ZNF521: variants seen among roughly 807,000 people sequenced by gnomAD.
ZNF521 encodes the protein LYST-interacting protein 3.
Under a neutral mutation model 105.5 loss-of-function variants are expected in ZNF521, and 14 were observed. The ratio of observed to expected loss-of-function variants is 0.13; its 90% CI spans 0.09 to 0.21. The LOEUF is 0.21. Among genes scored for constraint, ZNF521 ranks in the 10% least tolerant of loss-of-function variants. The pLI is 1.00. For missense variants in ZNF521, 1,233 were observed against 1,629.7 expected, an observed-to-expected ratio of 0.76 and a Z score of 4.19; for synonymous variants, 635 against 606.0, an observed-to-expected ratio of 1.05 and a Z score of -0.70.
intron 5 of ZNF521, among the ~76,000 whole-genome samples, chr18:25,148,928 T>C (rs1267125197): frequency 6.6e-6 from 1 of 152,212 alleles, no homozygotes; most frequent in Non-Finnish European, 1.5e-5. Context: ...AAGTACCAGC[T>C]TCTGTTATGT....
intron 5 of ZNF521, among the ~76,000 whole-genome samples, chr18:25,145,408 T>C (rs904951801): frequency 1.7e-4 from 26 of 152,106 alleles, no homozygotes; most frequent in East Asian, 7.7e-4. Flanking sequence ...GTTATCGATC[T>C]ATAGTTTTTG....
intron 2 of ZNF521, among the ~76,000 whole-genome samples, chr18:25,337,259 T>C (rs917939100): frequency 7.2e-5 from 11 of 152,124 alleles, no homozygotes; most frequent in Non-Finnish European, 1.6e-4. Flanking sequence ...CTATAATATG[T>C]CAGACACAAG....
chr18:25,194,955 C>T (rs935129372), intron 5 of ZNF521, among the ~76,000 whole-genome samples: 15 of 151,612 alleles, frequency 9.9e-5, no homozygotes, highest in Non-Finnish European at 2.1e-4. Flanking sequence ...ATATAATCCT[C>T]TGCAGAAGTC....
chr18:25,116,967 A>G (rs2034329802), intron 5 of ZNF521, among the ~76,000 whole-genome samples: 1 of 102,320 alleles, frequency 9.8e-6, no homozygotes, highest in South Asian at 4.1e-4. Flanking sequence ...ATATATGTAT[A>G]TATATGTATA....
At chr18:25,127,167 AAGG>A (rs748712428) in intron 5 of ZNF521, among the ~76,000 whole-genome samples, 11 of 152,010 alleles carry the variant, frequency 7.2e-5, no homozygotes, top group Non-Finnish European at 1.6e-4. Flanking sequence ...TCAGTTTGAA[AAGG>A]AGATTTTTGT....
chr18:25,202,094 C>T (rs1371501818), intron 4 of ZNF521: 2 of 152,114 alleles, frequency 1.3e-5, no homozygotes, highest in Non-Finnish European at 2.9e-5. Flanking sequence ...GTAGTTTTCA[C>T]CCTTTTAAGT....
At chr18:25,339,306 TC>T (rs1193183464) in intron 2 of ZNF521, among the ~76,000 whole-genome samples, 1 of 152,214 alleles carries the variant, frequency 6.6e-6, no homozygotes, top group East Asian at 1.9e-4. Flanking sequence ...TACTTGGTGC[TC>T]AATAAAAAAT....
At chr18:25,276,529 A>G (rs1375347127) in intron 3 of ZNF521, among the ~76,000 whole-genome samples, 1 of 152,200 alleles carries the variant, frequency 6.6e-6, no homozygotes, top group Non-Finnish European at 1.5e-5. Flanking sequence ...GGAGACAGAG[A>G]AAGAGCTCAC....
intron 5 of ZNF521, among the ~76,000 whole-genome samples, chr18:25,176,238 G>A (rs1228341024): frequency 6.6e-6 from 1 of 152,146 alleles, no homozygotes; most frequent in African/African-American, 2.4e-5. Context: ...ACAAACAACA[G>A]GAAGTCTCCC....
At chr18:25,109,100 C>T (rs2034132841) in intron 5 of ZNF521, among the ~76,000 whole-genome samples, 1 of 151,964 alleles carries the variant, frequency 6.6e-6, no homozygotes, top group South Asian at 2.1e-4. Context: ...TTTTTTAACC[C>T]TCACGCCCCC....
At chr18:25,215,495 T>C (rs905155223) in intron 4 of ZNF521, among the ~76,000 whole-genome samples, 6 of 152,168 alleles carry the variant, frequency 3.9e-5, no homozygotes, top group Admixed American at 2.0e-4. Flanking sequence ...CTTGACAAAA[T>C]CTCAGTCAAA....
intron 3 of ZNF521, among the ~76,000 whole-genome samples, chr18:25,234,893 T>C (rs1450415581): frequency 6.6e-6 from 1 of 152,090 alleles, no homozygotes; most frequent in Non-Finnish European, 1.5e-5. Flanking sequence ...TAAATAACAA[T>C]TTGATAGACA....
At chr18:25,258,517 T>C (rs1482781102) in intron 3 of ZNF521, among the ~76,000 whole-genome samples, 2 of 152,318 alleles carry the variant, frequency 1.3e-5, no homozygotes, top group South Asian at 2.1e-4. Context: ...AAAAAATTCC[T>C]AATGGCAATA....
chr18:25,352,078 G>A lies in ZNF521; in HGVS notation c.-75C>T. On this transcript the variant is annotated 5_prime_UTR_variant, in exon 1 of 8. Coordinates refer to ENST00000361524, the MANE Select transcript of ZNF521 (RefSeq NM_015461.3). ...GGAAAATGGAAGCAAGGCCCCCAAA[G>A]CCATCAGGATGGCTCCAGAGGGGGC... The A allele has an allele frequency of 4.0e-6, 2 of 496,672 alleles. No individual in the cohort carries two copies. Among genetic ancestry groups the A allele is most frequent in the Non-Finnish European group, 8.1e-6 (2 of 247,408 alleles). The allele number at this position is 496,672 out of a possible 1,614,324, so 30.8% of individuals were successfully genotyped here. A position where few individuals can be genotyped will look rare whatever the true frequency, so the allele number is the denominator to read the frequency against.
chr18:25,283,863 AT>A (rs1317261432), intron 3 of ZNF521, among the ~76,000 whole-genome samples: 1 of 152,120 alleles, frequency 6.6e-6, no homozygotes, highest in African/African-American at 2.4e-5. Flanking sequence ...AAGAAAAAAA[AT>A]CAATGTCTGG....
intron 7 of ZNF521, among the ~76,000 whole-genome samples, chr18:25,072,970 A>G (rs2033263096): frequency 6.6e-6 from 1 of 152,208 alleles, no homozygotes; most frequent in Non-Finnish European, 1.5e-5. Flanking sequence ...TTTTACATCC[A>G]TGAACAGTGC....
rs199728751 is a variant in ZNF521 at position 25,348,295 on chromosome 18, GA to G, written c.40+2611del. Among the ~76,000 whole-genome samples the G allele has an allele frequency of 9.9e-3, 1,506 of 152,174 alleles. 28 individuals are homozygous for G. Among genetic ancestry groups the G allele is most frequent in the African/African-American group, 0.031 (1,301 of 41,514 alleles). The stretch of plus-strand genomic sequence containing the variant: ...TCAGAACACTCCTACAACACATTTT[GA>G]AAAATTGGAGACCCTTCCAAGAAGA... On this transcript the variant is annotated intron_variant, in intron 2 of 7. Transcript: ENST00000361524.
rs532215533 is a variant in ZNF521 at position 25,139,666 on chromosome 18, C to T, written c.3659-47585G>A. On this transcript the variant is annotated intron_variant, in intron 5 of 7. Coordinates refer to ENST00000361524, the MANE Select transcript of ZNF521 (RefSeq NM_015461.3). Reference sequence around the variant, plus strand: ...GAGCCAATATTCTAGCCCAGGTCCACTCCAAAGTCCAAGTTCTTTCTTTGG... The same window carrying T: ...GAGCCAATATTCTAGCCCAGGTCCATTCCAAAGTCCAAGTTCTTTCTTTGG... Among the ~76,000 whole-genome samples, 4 of 152,284 alleles carry T rather than the reference C, an allele frequency of 2.6e-5. No homozygotes were observed. The South Asian group carries it at 8.3e-4, about 32-fold the overall frequency.
intron 4 of ZNF521, among the ~76,000 whole-genome samples, chr18:25,216,613 C>T (rs1412072888): frequency 2.0e-5 from 3 of 152,158 alleles, no homozygotes; most frequent in Non-Finnish European, 4.4e-5. Flanking sequence ...GGCTGGAGTA[C>T]AACGATGCTA....
Sources: gnomAD v4.1 joint callset for allele counts (sites outside exome capture counted in the v4.1 genomes callset) on GRCh38, gnomAD v4.1.1 for gene constraint, MANE v1.5 for transcripts, NCBI Gene and HGNC (gene_info 2026-07-23, HGNC 2026-07-21) for gene names.